NMUR1: variants seen among roughly 807,000 people sequenced by gnomAD.
NMUR1 encodes neuromedin U receptor 1, also known as neuromedin-U receptor 1.
In NMUR1, 16 loss-of-function variants were observed where a neutral mutation model predicts 18.8. The ratio of observed to expected loss-of-function variants is 0.85; its 90% confidence interval spans 0.58 to 1.29. NMUR1 has a LOEUF of 1.29. Among genes scored for constraint, NMUR1 ranks in the 50% most tolerant of loss-of-function variants. The pLI is 0.00. For missense variants in NMUR1, 529 were observed against 580.3 expected, an observed-to-expected ratio of 0.91 and a Z score of 0.91; for synonymous variants, 258 against 258.2, an observed-to-expected ratio of 1.00 and a Z score of 0.01.
intron 2 of NMUR1, among the ~76,000 whole-genome samples, chr2:231,525,842 A>C (rs1269819882): frequency 6.6e-6 from 1 of 152,208 alleles, no homozygotes; most frequent in Non-Finnish European, 1.5e-5. Context: ...ATGCATAAGT[A>C]CAGAAAAGAA....
chr2:231,529,059 G>A lies in NMUR1; in HGVS notation c.4-42C>T, dbSNP rs750529445. 5 of 1,541,422 alleles carry A rather than the reference G, an allele frequency of 3.2e-6. No homozygotes were observed. The East Asian group carries it at 1.1e-4, about 35-fold the overall frequency. On this transcript the variant is annotated intron_variant, in intron 1 of 2. Transcript: ENST00000305141. ...AGAGATGCCCAGAAAGATCATTCAG[G>A]GAATGCTGGCTCTGTCCTCACTCAT... is the stretch of plus-strand genomic sequence containing the variant.
downstream of NMUR1, among the ~76,000 whole-genome samples, chr2:231,521,850 A>G (rs1201226607): frequency 1.3e-5 from 2 of 152,056 alleles, no homozygotes; most frequent in African/African-American, 4.8e-5. Context: ...CTGTTTCTCA[A>G]GGGGTGAGTT....
chr2:231,528,757 G>GTGGC lies in NMUR1; in HGVS notation c.260_263dup (p.His88GlnfsTer34), dbSNP rs746465900. Reference sequence around the variant, plus strand: ...AGTTGGTAGGCGTGCGCATGGCCTTGTGGCGCAGGATGACCAGACAGGTCA... The same window carrying GTGGC: ...AGTTGGTAGGCGTGCGCATGGCCTTGTGGCTGGCGCAGGATGACCAGACAGGTCA... On this transcript the variant is annotated frameshift_variant, in exon 2 of 3. Transcript: ENST00000305141. LOFTEE classifies it high-confidence loss of function. 1.2e-6 allele frequency: 2 copies of GTGGC among 1,614,244 alleles called. No individual in the cohort carries two copies. The highest frequency in any genetic ancestry group is 1.7e-6 in the Non-Finnish European group (2 of 1,180,044).
rs2047384315 is a variant in NMUR1 at position 231,528,694 on chromosome 2, C to G, written c.327G>C (p.Val109=). 1 of 1,614,098 alleles carries G rather than the reference C, an allele frequency of 6.2e-7. No homozygotes were observed. Among genetic ancestry groups the G allele is most frequent in the African/African-American group, 1.3e-5 (1 of 74,950 alleles). Residue 109 remains valine, a synonymous_variant, in exon 2 of 3, where the codon GTG becomes GTC. Coordinates refer to ENST00000305141, the MANE Select transcript of NMUR1 (RefSeq NM_006056.5). ...LFSLAVSDLL[V]LLVGLPLELY... is the part of the protein sequence containing the mutation. The stretch of plus-strand genomic sequence containing the variant: ...GCTCCAGGGGCAGGCCCACCAGCAG[C>G]ACCAGCAGGTCCGACACGGCCAGGC...
intron 2 of NMUR1, among the ~76,000 whole-genome samples, chr2:231,525,784 G>A (rs2047350499): frequency 6.6e-6 from 1 of 152,272 alleles, no homozygotes; most frequent in Admixed American, 6.5e-5. Context: ...GATACAAGCT[G>A]TGGGGCTAGG....
In NMUR1 at chr2:231,528,949, C is replaced by A; in HGVS notation, c.72G>T (p.Met24Ile). Residue 24 changes from methionine (M) to isoleucine (I), a missense_variant, in exon 2 of 3, where the codon ATG (methionine) becomes ATT (isoleucine). Coordinates refer to ENST00000305141, the MANE Select transcript of NMUR1 (RefSeq NM_006056.5). ...DLYPGGARNP[M>I]ACNGSAARGH... ...CCCTGGCCGCACTGCCATTGCAAGC[C>A]ATGGGGTTCCTTGCACCCCCTGGGT... is the stretch of plus-strand genomic sequence containing the variant. The A allele has an allele frequency of 6.2e-7, 1 of 1,614,088 alleles. No homozygotes were observed. The highest frequency in any genetic ancestry group is 8.5e-7 in the Non-Finnish European group (1 of 1,179,988).
chr2:231,523,095 G>T, downstream of NMUR1: 1 of 323,694 alleles, frequency 3.1e-6, no homozygotes, highest in Non-Finnish European at 5.7e-6. Flanking sequence ...CTGGACAAAA[G>T]GCCAGATACA....
chr2:231,525,135 T>A lies in NMUR1; in HGVS notation c.1189A>T (p.Thr397Ser). 6.2e-7 allele frequency: 1 copy of A among 1,613,950 alleles called. No individual in the cohort carries two copies. Among genetic ancestry groups the A allele is most frequent in the Non-Finnish European group, 8.5e-7 (1 of 1,179,964 alleles). Reference protein sequence around the residue: ...HSLSRMTTGSTLCDVGSLGSW... With the variant: ...HSLSRMTTGSSLCDVGSLGSW... ...CCCAGGGAGCCCACATCACACAGGG[T>A]GCTGCCTGTGGTCATCCTGCTGAGG... Residue 397 changes from threonine (T) to serine (S), a missense_variant, in exon 3 of 3, where the codon ACC becomes TCC. Thr to Ser is a moderately conservative substitution (Grantham distance 58). Coordinates refer to ENST00000305141, the MANE Select transcript of NMUR1 (RefSeq NM_006056.5).
downstream of NMUR1, among the ~76,000 whole-genome samples, chr2:231,518,760 G>A (rs2047285591): frequency 1.3e-5 from 2 of 152,302 alleles, no homozygotes; most frequent in South Asian, 2.1e-4. Context: ...GGGTGGCCAG[G>A]GAAGTCCACG....
intron 2 of NMUR1, among the ~76,000 whole-genome samples, chr2:231,526,672 G>A (rs556359825): frequency 1.8e-4 from 28 of 152,322 alleles, no homozygotes; most frequent in African/African-American, 6.7e-4. Flanking sequence ...GGTGAGAGGA[G>A]CGAGTCACTC....
chr2:231,528,640 G>A lies in NMUR1; in HGVS notation c.381C>T (p.Phe127=), dbSNP rs557702431. The A allele has an allele frequency of 3.3e-5, 54 of 1,614,250 alleles. No individual in the cohort carries two copies. In the South Asian group the frequency reaches 5.7e-4, roughly 17 times the overall value. Reference sequence around the variant, plus strand: ...AATAGCAGCCACCAACGCCCAGCAGGAAGGGGTAGTTGTGCCACATCTCAT... The same window carrying A: ...AATAGCAGCCACCAACGCCCAGCAGAAAGGGGTAGTTGTGCCACATCTCAT... ...ELYEMWHNYP[F]LLGVGGCYFR... is the part of the protein sequence containing the mutation. Residue 127 remains phenylalanine, a synonymous_variant, in exon 2 of 3, where the codon TTC becomes TTT. Transcript: ENST00000305141.
At chr2:231,527,625 A>G (rs2047368843) in intron 2 of NMUR1, among the ~76,000 whole-genome samples, 1 of 148,678 alleles carries the variant, frequency 6.7e-6, no homozygotes, top group Admixed American at 6.7e-5. Flanking sequence ...GTGACAGAGC[A>G]AGACCCTGTC....
At position 231,525,343 on chromosome 2, in the gene NMUR1, T is replaced by C. The variant is rs2047345647; in HGVS notation, c.981A>G (p.Thr327=). The change falls in exon 3 of 3, where the codon ACA becomes ACG. Residue 327 remains threonine, a synonymous_variant. Coordinates refer to ENST00000305141, the MANE Select transcript of NMUR1 (RefSeq NM_006056.5). ...GCTGGAAGGCCAGGTGCAGGCCATC[T>C]GTCCACTGTGACACGACGCTCCACA... The part of the protein sequence containing the change: ...RVMWSVVSQW[T]DGLHLAFQHV... The C allele has an allele frequency of 1.2e-6, 2 of 1,613,726 alleles. No homozygotes were observed. The highest frequency in any genetic ancestry group is 2.2e-5 in the East Asian group (1 of 44,836).
At chr2:231,525,949 C>A (rs1327408724) in intron 2 of NMUR1, among the ~76,000 whole-genome samples, 1 of 109,588 alleles carries the variant, frequency 9.1e-6, no homozygotes, top group Admixed American at 9.1e-5. Context: ...CATGCATGCA[C>A]ACACACAGAC....
At chr2:231,529,498 A>G (rs933252042) in intron 1 of NMUR1, among the ~76,000 whole-genome samples, 2 of 83,212 alleles carry the variant, frequency 2.4e-5, no homozygotes, top group Non-Finnish European at 5.1e-5. Flanking sequence ...GTAAAAATCT[A>G]CATTTAAAAA....
At chr2:231,521,143 C>A (rs2047300961), downstream of NMUR1, among the ~76,000 whole-genome samples, 1 of 152,132 alleles carries the variant, frequency 6.6e-6, no homozygotes, top group African/African-American at 2.4e-5. Context: ...AAGAGGCCAA[C>A]GGTGGGCAGA....
At position 231,524,968 on chromosome 2, in the gene NMUR1, G is replaced by A; in HGVS notation, c.*75C>T. The A allele has an allele frequency of 1.3e-6, 2 of 1,494,350 alleles. No homozygotes were observed. Among genetic ancestry groups the A allele is most frequent in the Non-Finnish European group, 8.9e-7 (1 of 1,126,446 alleles). 92.6% of individuals were successfully genotyped at this position (1,494,350 alleles called of 1,614,324 possible). ...GACAGTACGTGAAGGCATCCCTGCAGAGGAAGGCAGATGTGTCTCCCCAGC... is the reference window on the plus strand; with the variant it reads ...GACAGTACGTGAAGGCATCCCTGCAAAGGAAGGCAGATGTGTCTCCCCAGC... On this transcript the variant is annotated 3_prime_UTR_variant, in exon 3 of 3. Coordinates refer to ENST00000305141, the MANE Select transcript of NMUR1 (RefSeq NM_006056.5).
chr2:231,525,549 C>T, intron 2 of NMUR1, 124 bp from the exon 3 acceptor site: 2 of 1,134,836 alleles, frequency 1.8e-6, no homozygotes, highest in East Asian at 2.6e-5. Flanking sequence ...TCACCTATCA[C>T]CCAGGTGGAA....
chr2:231,518,979 G>A (rs2047287133), downstream of NMUR1, among the ~76,000 whole-genome samples: 1 of 152,222 alleles, frequency 6.6e-6, no homozygotes, highest in Non-Finnish European at 1.5e-5. Context: ...CCTCCTGGAA[G>A]CCTTCCCTCG....
Sources: gnomAD v4.1 joint callset for allele counts (sites outside exome capture counted in the v4.1 genomes callset) on GRCh38, gnomAD v4.1.1 for gene constraint, MANE v1.5 for transcripts, NCBI Gene and HGNC (gene_info 2026-07-23, HGNC 2026-07-21) for gene names.